Variants in CCSER1 observed in about 807,000 individuals in gnomAD.
The protein encoded by CCSER1 is coiled-coil serine rich protein 1, also known as serine-rich coiled-coil domain-containing protein 1.
Under a neutral mutation model 82.0 loss-of-function variants are expected in CCSER1, and 41 were observed. The observed-to-expected ratio is 0.50, with a 90% CI of 0.39 to 0.65. The LOEUF is 0.65. CCSER1 is among the 30% of genes least tolerant of loss of function. CCSER1 has a pLI of 0.00. For synonymous variants in CCSER1, 414 were observed against 383.9 expected (o/e 1.08, Z -0.92); for missense variants, 1,119 against 1,064.2 (o/e 1.05, Z -0.72).
intron 6 of CCSER1, among the ~76,000 whole-genome samples, chr4:90,719,167 A>C (rs968405578): frequency 1.3e-5 from 2 of 151,970 alleles, no homozygotes; most frequent in African/African-American, 4.8e-5. Flanking sequence ...GCCATTACCA[A>C]CTGAGCTCCA....
chr4:90,753,163 A>C (rs1009731037), intron 7 of CCSER1, among the ~76,000 whole-genome samples: 1 of 152,154 alleles, frequency 6.6e-6, no homozygotes, highest in Non-Finnish European at 1.5e-5. Context: ...TAGAGAAATT[A>C]CAGAACAGAG....
chr4:90,511,377 C>A (rs1771480489), intron 5 of CCSER1, among the ~76,000 whole-genome samples: 2 of 152,146 alleles, frequency 1.3e-5, no homozygotes, highest in Non-Finnish European at 2.9e-5. Context: ...GAGATTGCAC[C>A]ACTGCACTCC....
intron 10 of CCSER1, among the ~76,000 whole-genome samples, chr4:91,450,338 G>A (rs374493147): frequency 1.3e-5 from 2 of 152,008 alleles, no homozygotes; most frequent in Non-Finnish European, 2.9e-5. Flanking sequence ...TGAGACATCT[G>A]ATTATAAAAC....
intron 7 of CCSER1, among the ~76,000 whole-genome samples, chr4:90,777,227 G>A (rs1580417756): frequency 6.6e-6 from 1 of 151,552 alleles, no homozygotes; most frequent in South Asian, 2.1e-4. Context: ...CGTGGTGGTG[G>A]GCGCCTGTAA....
intron 10 of CCSER1, among the ~76,000 whole-genome samples, chr4:91,595,960 A>C (rs1224318916): frequency 2.6e-5 from 4 of 151,330 alleles, no homozygotes; most frequent in Non-Finnish European, 2.9e-5. Context: ...AAAAAAAAAA[A>C]AAAAAAACCA....
chr4:91,442,380 G>A (rs1190959714), intron 10 of CCSER1, among the ~76,000 whole-genome samples: 5 of 151,308 alleles, frequency 3.3e-5, no homozygotes, highest in East Asian at 1.9e-4. Flanking sequence ...GAAAGGATTC[G>A]CTATTTAATA....
At chr4:90,141,013 C>G (rs1398562289) in intron 1 of CCSER1, among the ~76,000 whole-genome samples, 1 of 82,196 alleles carries the variant, frequency 1.2e-5, no homozygotes, top group African/African-American at 5.2e-5. Flanking sequence ...CAGAGAAACC[C>G]AGCAAGATAT....
At chr4:91,276,853 T>G in intron 10 of CCSER1, among the ~76,000 whole-genome samples, 1 of 152,128 alleles carries the variant, frequency 6.6e-6, no homozygotes, top group East Asian at 1.9e-4. Context: ...TTTTTGAGTT[T>G]TTATCATAAA....
At chr4:90,709,057 T>C (rs1739977644) in intron 6 of CCSER1, among the ~76,000 whole-genome samples, 1 of 152,118 alleles carries the variant, frequency 6.6e-6, no homozygotes, top group Non-Finnish European at 1.5e-5. Context: ...CACAACATTA[T>C]ACAGAAAAAA....
At chr4:90,711,842 A>C (rs2149328219) in intron 6 of CCSER1, among the ~76,000 whole-genome samples, 1 of 151,932 alleles carries the variant, frequency 6.6e-6, no homozygotes, top group Admixed American at 6.6e-5. Flanking sequence ...CTGGCCTCAT[A>C]GAATGAACTA....
At chr4:90,631,630 T>A (rs1039435534) in intron 6 of CCSER1, among the ~76,000 whole-genome samples, 4 of 152,184 alleles carry the variant, frequency 2.6e-5, no homozygotes, top group Non-Finnish European at 5.9e-5. Flanking sequence ...TTCCTAAAGT[T>A]TCTAGAACTG....
chr4:91,184,117 A>T (rs1734302590), intron 10 of CCSER1, among the ~76,000 whole-genome samples: 1 of 152,218 alleles, frequency 6.6e-6, no homozygotes, highest in Non-Finnish European at 1.5e-5. Context: ...AGTGATCATA[A>T]CATTGGAGTA....
intron 10 of CCSER1, among the ~76,000 whole-genome samples, chr4:91,160,648 G>C (rs1487928716): frequency 6.6e-6 from 1 of 152,182 alleles, no homozygotes; most frequent in Non-Finnish European, 1.5e-5. Flanking sequence ...GATGACCAGT[G>C]ATGATGAGCA....
chr4:91,037,166 T>C (rs1213941308), intron 9 of CCSER1, among the ~76,000 whole-genome samples: 1 of 151,988 alleles, frequency 6.6e-6, no homozygotes, highest in African/African-American at 2.4e-5. Context: ...TGTCTCTGCA[T>C]TGTCTTTTCA....
At chr4:90,532,808 T>C (rs1408961040) in intron 5 of CCSER1, among the ~76,000 whole-genome samples, 1 of 152,186 alleles carries the variant, frequency 6.6e-6, no homozygotes, top group Non-Finnish European at 1.5e-5. Flanking sequence ...TCCCACTATG[T>C]ACAAATAGAT....
chr4:90,412,804 T>C (rs906273430), intron 4 of CCSER1, among the ~76,000 whole-genome samples: 1 of 152,142 alleles, frequency 6.6e-6, no homozygotes, highest in Non-Finnish European at 1.5e-5. Context: ...AACATCATAC[T>C]GAATGGGGAA....
chr4:91,487,567 C>A (rs1384906019), intron 10 of CCSER1, among the ~76,000 whole-genome samples: 1 of 152,016 alleles, frequency 6.6e-6, no homozygotes, highest in African/African-American at 2.4e-5. Context: ...TGGTTATTTG[C>A]CTAATTTTAT....
At chr4:91,289,586 C>G (rs926220762) in intron 10 of CCSER1, among the ~76,000 whole-genome samples, 2 of 151,918 alleles carry the variant, frequency 1.3e-5, no homozygotes, top group African/African-American at 4.8e-5. Context: ...GTGATGGTCT[C>G]ATCTGTAAAC....
At chr4:90,589,058 T>C (rs1217826655) in intron 5 of CCSER1, among the ~76,000 whole-genome samples, 1 of 152,174 alleles carries the variant, frequency 6.6e-6, no homozygotes, top group East Asian at 1.9e-4. Flanking sequence ...CAATCTAATA[T>C]GGATTTGTGC....
Sources: allele counts gnomAD v4.1 joint callset (sites outside exome capture counted in the v4.1 genomes callset), GRCh38; gene constraint gnomAD v4.1.1; transcripts MANE v1.5; gene names NCBI Gene and HGNC (gene_info 2026-07-23, HGNC 2026-07-21).